KIF7: variants seen among roughly 807,000 people sequenced by gnomAD.
KIF7 encodes kinesin-like protein KIF7.
In KIF7, 104 loss-of-function variants were observed where a neutral mutation model predicts 135.7. The observed-to-expected ratio is 0.77, with a 90% CI of 0.65 to 0.90. KIF7 has a LOEUF of 0.90. KIF7 is among the 40% of genes least tolerant of loss of function. KIF7 has a pLI of 0.00. For missense variants in KIF7, 2,005 were observed against 1,839.1 expected (o/e 1.09, Z -1.65); for synonymous variants, 883 against 809.4 (o/e 1.09, Z -1.54).
downstream of KIF7, chr15:89,625,417 G>A (rs1963503153): frequency 1.2e-6 from 2 of 1,613,998 alleles, no homozygotes; most frequent in Non-Finnish European, 1.7e-6. Context: ...TTCCGGGAGG[G>A]GCGAGGTCGG....
In KIF7 at chr15:89,646,995, C is replaced by G. The variant is rs1175257218; in HGVS notation, c.1623G>C (p.Val541=). 1 of 1,612,874 alleles carries G rather than the reference C, an allele frequency of 6.2e-7. No homozygotes were observed. The highest frequency in any genetic ancestry group is 1.1e-5 in the South Asian group (1 of 91,002). Residue 541 remains valine (V), a synonymous_variant, in exon 7 of 19, where the codon GTG becomes GTC. Coordinates refer to ENST00000394412, the MANE Select transcript of KIF7 (RefSeq NM_198525.3). ...MVELRLRLEL[V]RPGWGGPRLL... ...GCCGCGGGCCCCCCCAGCCTGGCCG[C>G]ACCAGCTCTAACCGCAGCCGCAGTT...
In KIF7 at chr15:89,642,313, C is replaced by G. The variant is rs753052634; in HGVS notation, c.2284G>C (p.Gly762Arg). 5 of 1,611,068 alleles carry G rather than the reference C, an allele frequency of 3.1e-6. No individual in the cohort carries two copies. The South Asian group carries it at 5.5e-5, about 18-fold the overall frequency. Residue 762 changes from glycine to arginine, a missense_variant, in exon 11 of 19, where the codon GGC becomes CGC. Gly to Arg is a moderately radical substitution (Grantham distance 125). Coordinates refer to ENST00000394412, the MANE Select transcript of KIF7 (RefSeq NM_198525.3). ...AEQVRAELSE[G>R]QRQLRELEGK... ...TCGAGCTCCCGCAGCTGCCTCTGGC[C>G]TTCACTCAGCTCGGCCCGCACCTGC...
Position 89,629,560 on chromosome 15 carries a change from C to T in KIF7, c.3332G>A (p.Arg1111Gln), listed in dbSNP as rs752985477. The T allele has an allele frequency of 5.6e-6, 9 of 1,606,464 alleles. No individual in the cohort carries two copies. The highest frequency in any genetic ancestry group is 4.5e-5 in the East Asian group (2 of 44,890). The change falls in exon 17 of 19, where the codon CGA becomes CAA. Residue 1111 changes from arginine (R) to glutamine (Q), a missense_variant. Physicochemically the swap from Arg to Gln is conservative, Grantham distance 43 (BLOSUM62 1). Transcript: ENST00000394412. Reference sequence around the variant, plus strand: ...AATCTGCTGCTGGTGCTGCTCCTCTCGGAGCGTCACCACCTGTCCCAAGAC... The same window carrying T: ...AATCTGCTGCTGGTGCTGCTCCTCTTGGAGCGTCACCACCTGTCCCAAGAC... The part of the protein sequence containing the change: ...CKYFDKVVTL[R>Q]EEQHQQQIAF...
At position 89,646,134 on chromosome 15, in the gene KIF7, G is replaced by C. The variant is rs1386566419; in HGVS notation, c.1789-108C>G. The C allele has an allele frequency of 2.1e-6, 3 of 1,417,352 alleles. No individual in the cohort carries two copies. The African/African-American group carries it at 4.2e-5, about 20-fold the overall frequency. The allele number at this position is 1,417,352 out of a possible 1,614,324, so 87.8% of individuals were successfully genotyped here. ...TCCTCAAGCCCTGCCTTACCTTCGT[G>C]ATCCAGCTCAAATGACCCCTCTGGC... On this transcript the variant is annotated intron_variant, in intron 7 of 18. Transcript: ENST00000394412.
intron 2 of KIF7, 150 bp from the exon 3 acceptor site, chr15:89,650,091 C>A: frequency 1.3e-6 from 1 of 771,958 alleles, no homozygotes. Flanking sequence ...GACAGGTGGC[C>A]TGAGCTTGGC....
chr15:89,624,219 C>T, downstream of KIF7: 2 of 1,614,150 alleles, frequency 1.2e-6, no homozygotes, highest in Non-Finnish European at 1.7e-6. Flanking sequence ...TGACTTCTTC[C>T]CCACCTGTTA....
chr15:89,628,346 A>T lies in KIF7; in HGVS notation c.*73T>A. On this transcript the variant is annotated 3_prime_UTR_variant, in exon 19 of 19. Transcript: ENST00000394412. The stretch of plus-strand genomic sequence containing the variant: ...GTGTGCGGTAAGGACTGCCCTTCAC[A>T]GAAGCAAAACAGGCAGCTGCCCCTT... 1 of 1,531,190 alleles carries T rather than the reference A, an allele frequency of 6.5e-7. No individual in the cohort carries two copies. The highest frequency in any genetic ancestry group is 8.8e-7 in the Non-Finnish European group (1 of 1,140,402). The allele number at this position is 1,531,190 out of a possible 1,614,324, so 94.9% of individuals were successfully genotyped here. A position where few individuals can be genotyped will look rare whatever the true frequency, so the allele number is the denominator to read the frequency against.
At position 89,649,593 on chromosome 15, in the gene KIF7, A is replaced by T. The variant is rs1964090182; in HGVS notation, c.529+148T>A. On this transcript the variant is annotated intron_variant, in intron 3 of 18. Transcript: ENST00000394412. ...GGGTATAGAAGCATGTACTGAACTCAGTGGAGGCAAGAAGCTAAAGCAAAA... is the reference window on the plus strand; with the variant it reads ...GGGTATAGAAGCATGTACTGAACTCTGTGGAGGCAAGAAGCTAAAGCAAAA... 12 of 969,816 alleles carry T rather than the reference A, an allele frequency of 1.2e-5. No individual in the cohort carries two copies. The South Asian group carries it at 1.7e-4, about 14-fold the overall frequency. The allele number at this position is 969,816 out of a possible 1,614,324, so 60.1% of individuals were successfully genotyped here.
intron 1 of KIF7, among the ~76,000 whole-genome samples, chr15:89,619,152 A>G (rs1336820960): frequency 6.6e-6 from 1 of 152,064 alleles, no homozygotes; most frequent in Non-Finnish European, 1.5e-5. Flanking sequence ...TATTATTTCT[A>G]TATAAATGCA....
chr15:89,630,960 T>C, intron 15 of KIF7: 1 of 271,282 alleles, frequency 3.7e-6, no homozygotes. Flanking sequence ...CATGTGACTG[T>C]ACTGAATACT....
chr15:89,625,410 C>G, downstream of KIF7: 1 of 1,613,930 alleles, frequency 6.2e-7, no homozygotes, highest in Non-Finnish European at 8.5e-7. Flanking sequence ...GCTCCTCTTC[C>G]GGGAGGGGCG....
chr15:89,631,061 C>T (rs1055208912), intron 15 of KIF7: 17 of 233,548 alleles, frequency 7.3e-5, no homozygotes, highest in Non-Finnish European at 1.4e-4. Context: ...CTGGGAGCAC[C>T]ATTGTTGTAT....
rs765158952 is a variant in KIF7, at chr15:89,642,265, C to G, written c.2332G>C (p.Gly778Arg). The change falls in exon 11 of 19, where the codon GGC (glycine) becomes CGC (arginine). Residue 778 changes from glycine to arginine, a missense_variant. Physicochemically the swap from Gly to Arg is moderately radical, Grantham distance 125. Transcript: ENST00000394412. ...ELEGKELQDA[G>R]ERSRLQEFRR... ...AACTCCTGGAGCCGAGACCGCTCGC[C>G]AGCATCCTGGAGCTCCTTGCCCTCG... The G allele has an allele frequency of 6.2e-7, 1 of 1,610,522 alleles. No homozygotes were observed. Among genetic ancestry groups the G allele is most frequent in the Non-Finnish European group, 8.5e-7 (1 of 1,179,742 alleles).
At chr15:89,642,666 T>A (rs974496474) in intron 10 of KIF7, among the ~76,000 whole-genome samples, 1 of 152,258 alleles carries the variant, frequency 6.6e-6, no homozygotes, top group African/African-American at 2.4e-5. Context: ...GCCTTCCAGA[T>A]TCAAGTGATT....
Position 89,649,934 on chromosome 15 carries a change from G to A in KIF7, c.336C>T (p.Leu112=), listed in dbSNP as rs794727530. The change falls in exon 3 of 19, where the codon CTC becomes CTT. Residue 112 remains leucine (L), a synonymous_variant. Transcript: ENST00000394412. ...GGACAATGCCCTGCTCATCCTCAAGGAGGGAGGCTGGGGAGACACCGCAGG... is the reference window on the plus strand; with the variant it reads ...GGACAATGCCCTGCTCATCCTCAAGAAGGGAGGCTGGGGAGACACCGCAGG... The part of the protein sequence containing the change: ...YTMGEASVAS[L]LEDEQGIVPR... 46 of 1,550,890 alleles carry A rather than the reference G, an allele frequency of 3.0e-5. No individual in the cohort carries two copies. Among genetic ancestry groups the A allele is most frequent in the Non-Finnish European group, 3.9e-5 (45 of 1,146,960 alleles).
At chr15:89,640,272 C>T (rs1963893993) in intron 11 of KIF7, among the ~76,000 whole-genome samples, 1 of 149,830 alleles carries the variant, frequency 6.7e-6, no homozygotes, top group Non-Finnish European at 1.5e-5. Context: ...TGCACATGTA[C>T]CCTAAAACTT....
intron 14 of KIF7, among the ~76,000 whole-genome samples, chr15:89,631,937 A>T (rs1350860949): frequency 6.6e-6 from 1 of 152,206 alleles, no homozygotes; most frequent in Non-Finnish European, 1.5e-5. Flanking sequence ...CGAGAGGAGG[A>T]TAAGGACCAG....
upstream of KIF7, among the ~76,000 whole-genome samples, chr15:89,655,837 A>C (rs1162883624): frequency 6.6e-6 from 1 of 151,802 alleles, no homozygotes; most frequent in South Asian, 2.1e-4. Flanking sequence ...CAGTTATAAG[A>C]CTCTCTTTTT....
At chr15:89,654,820 C>T (rs1207068216) in intron 1 of KIF7, among the ~76,000 whole-genome samples, 2 of 152,246 alleles carry the variant, frequency 1.3e-5, no homozygotes, top group Admixed American at 1.3e-4. Flanking sequence ...ACCTCTCTCT[C>T]AGCACAGTAA....
Sources: gnomAD v4.1 joint callset for allele counts (sites outside exome capture counted in the v4.1 genomes callset) on GRCh38, gnomAD v4.1.1 for gene constraint, MANE v1.5 for transcripts, NCBI Gene and HGNC (gene_info 2026-07-23, HGNC 2026-07-21) for gene names.